Variants in NRG1 observed in about 807,000 individuals in gnomAD.
NRG1 encodes the protein pro-neuregulin-1, membrane-bound isoform.
NRG1 carries 18 observed loss-of-function variants against 63.8 expected under a neutral mutation model. That is an observed-to-expected ratio of 0.28 (90% CI 0.19 to 0.42). The LOEUF (loss-of-function observed/expected upper bound fraction) is 0.42, where lower values mean the gene tolerates loss of function less well. NRG1 is among the 10% of genes least tolerant of loss of function. The probability of loss-of-function intolerance (pLI) is 1.00; values close to 1 mark genes in which losing one functional copy is unlikely to be tolerated. For missense variants in NRG1, 762 were observed against 814.7 expected, an observed-to-expected ratio of 0.94 and a Z score of 0.79; for synonymous variants, 302 against 301.3, an observed-to-expected ratio of 1.00 and a Z score of -0.02.
intron 1 of NRG1, among the ~76,000 whole-genome samples, chr8:32,226,530 GA>G (rs1173511879): frequency 1.3e-5 from 2 of 150,920 alleles, no homozygotes; most frequent in Non-Finnish European, 3.0e-5. Flanking sequence ...GCCTAAATTA[GA>G]AAAAAAAATT....
intron 1 of NRG1, among the ~76,000 whole-genome samples, chr8:32,509,024 C>T (rs767133794): frequency 7.7e-4 from 117 of 152,142 alleles, no homozygotes; most frequent in Admixed American, 2.7e-3. Flanking sequence ...TATGAGCCAC[C>T]GTGCCTGGCC....
At chr8:32,157,430 G>A (rs1838234916) in intron 1 of NRG1, among the ~76,000 whole-genome samples, 1 of 150,766 alleles carries the variant, frequency 6.6e-6, no homozygotes, top group Non-Finnish European at 1.5e-5. Flanking sequence ...GGGAGGCCGA[G>A]GCGGGCGGAT....
intron 1 of NRG1, among the ~76,000 whole-genome samples, chr8:32,011,623 T>G (rs942249940): frequency 1.2e-4 from 18 of 152,138 alleles, no homozygotes; most frequent in African/African-American, 4.3e-4. Flanking sequence ...AATTGATCTC[T>G]GATGCTACAA....
rs758191378 is a variant in NRG1, at chr8:32,596,030, G to A, written c.278+25G>A. On this transcript the variant is annotated intron_variant, in intron 2 of 11. Coordinates refer to ENST00000356819, the Ensembl canonical transcript of NRG1. ...GGTAAGTATAATGCATAAAATAGTAGAGACTGCCCCCAGCAATAAGATAAC... is the reference window on the plus strand; with the variant it reads ...GGTAAGTATAATGCATAAAATAGTAAAGACTGCCCCCAGCAATAAGATAAC... 4.5e-6 allele frequency: 7 copies of A among 1,561,152 alleles called. No individual in the cohort carries two copies. The South Asian group carries it at 8.1e-5, about 18-fold the overall frequency.
intron 1 of NRG1, among the ~76,000 whole-genome samples, chr8:31,764,619 G>A (rs1817872878): frequency 6.6e-6 from 1 of 152,076 alleles, no homozygotes; most frequent in Non-Finnish European, 1.5e-5. Flanking sequence ...ATTTTGCTGA[G>A]ATATTTTATA....
intron 1 of NRG1, among the ~76,000 whole-genome samples, chr8:32,266,227 T>C (rs1850922740): frequency 6.6e-6 from 1 of 152,166 alleles, no homozygotes; most frequent in Non-Finnish European, 1.5e-5. Context: ...GGTTTTCATA[T>C]AAAAACTTTC....
intron 1 of NRG1, among the ~76,000 whole-genome samples, chr8:31,829,744 G>A (rs965620288): frequency 7.2e-5 from 11 of 152,180 alleles, no homozygotes; most frequent in African/African-American, 1.7e-4. Context: ...ATGACCATAC[G>A]TAGGAACCTG....
chr8:31,974,681 A>T (rs1586189957), intron 1 of NRG1, among the ~76,000 whole-genome samples: 1 of 152,228 alleles, frequency 6.6e-6, no homozygotes, highest in East Asian at 1.9e-4. Context: ...GCACTACTGA[A>T]TCTCCCGTGT....
chr8:32,352,140 G>A (rs916896677), intron 1 of NRG1, among the ~76,000 whole-genome samples: 1 of 147,794 alleles, frequency 6.8e-6, no homozygotes, highest in African/African-American at 2.5e-5. Context: ...TTCTCACTGG[G>A]CAAGCAATTT....
intron 1 of NRG1, among the ~76,000 whole-genome samples, chr8:32,075,382 A>T (rs1055967581): frequency 6.6e-6 from 1 of 152,186 alleles, no homozygotes. Context: ...AGTATTTATA[A>T]CAACAAGTAA....
chr8:32,499,324 A>C (rs1827585018), intron 1 of NRG1, among the ~76,000 whole-genome samples: 1 of 152,196 alleles, frequency 6.6e-6, no homozygotes, highest in Non-Finnish European at 1.5e-5. Context: ...AAAGATTAAC[A>C]GTTGGAGCAG....
In NRG1 at chr8:32,753,297, A is replaced by G. The variant is rs568328268; in HGVS notation, c.692-1075A>G. On this transcript the variant is annotated intron_variant, in intron 7 of 11. Transcript: ENST00000356819. ...CAGGTCCTTAGGGATCAGAGTCCCT[A>G]TTAAATCAGCAAATCTTGTTAAGAA... 3.3e-5 allele frequency among the ~76,000 whole-genome samples: 5 copies of G among 152,352 alleles called. No individual in the cohort carries two copies. The South Asian group carries it at 1.0e-3, about 32-fold the overall frequency.
chr8:31,697,504 C>T (rs559309593), intron 1 of NRG1, among the ~76,000 whole-genome samples: 1 of 152,174 alleles, frequency 6.6e-6, no homozygotes, highest in Non-Finnish European at 1.5e-5. Flanking sequence ...CATCTATCCA[C>T]CAACTCCCAG....
At chr8:31,893,428 T>C (rs1462470777) in intron 1 of NRG1, among the ~76,000 whole-genome samples, 1 of 151,192 alleles carries the variant, frequency 6.6e-6, no homozygotes, top group Non-Finnish European at 1.5e-5. Flanking sequence ...AAGAGAAAAA[T>C]GTAAAGAGAA....
At chr8:31,722,229 G>A (rs1029533586) in intron 1 of NRG1, among the ~76,000 whole-genome samples, 1 of 151,972 alleles carries the variant, frequency 6.6e-6, no homozygotes, top group Non-Finnish European at 1.5e-5. Flanking sequence ...CTATATCATG[G>A]TATACTACTG....
chr8:32,528,028 C>T (rs1404410240), intron 1 of NRG1, among the ~76,000 whole-genome samples: 3 of 152,128 alleles, frequency 2.0e-5, no homozygotes, highest in African/African-American at 4.8e-5. Flanking sequence ...TACATCTGCT[C>T]CAGGATGTTT....
At chr8:32,422,162 T>C (rs1816772274) in intron 1 of NRG1, among the ~76,000 whole-genome samples, 1 of 152,126 alleles carries the variant, frequency 6.6e-6, no homozygotes, top group African/African-American at 2.4e-5. Flanking sequence ...AGAAAAAAGA[T>C]AATTTTTTTA....
intron 1 of NRG1, among the ~76,000 whole-genome samples, chr8:32,362,932 C>G (rs185150633): frequency 9.9e-5 from 15 of 152,240 alleles, no homozygotes; most frequent in Admixed American, 9.8e-4. Flanking sequence ...AATTACGGGT[C>G]TCTGATCACA....
At chr8:32,522,112 GAGAA>G (rs1419398847) in intron 1 of NRG1, among the ~76,000 whole-genome samples, 1 of 152,246 alleles carries the variant, frequency 6.6e-6, no homozygotes, top group Non-Finnish European at 1.5e-5. Context: ...CTCCATTCCA[GAGAA>G]AGAATCAGTC....
Sources: gnomAD v4.1 joint callset for allele counts (sites outside exome capture counted in the v4.1 genomes callset) on GRCh38, gnomAD v4.1.1 for gene constraint, MANE v1.5 for transcripts, NCBI Gene and HGNC (gene_info 2026-07-23, HGNC 2026-07-21) for gene names.